The following CNTNAP4 variants were observed in gnomAD, a reference collection of about 807,000 sequenced individuals.
CNTNAP4 encodes the protein contactin associated protein family member 4, also known as contactin-associated protein-like 4.
In CNTNAP4, 98 loss-of-function variants were observed where a neutral mutation model predicts 148.4. The ratio of observed to expected loss-of-function variants is 0.66; its 90% CI spans 0.56 to 0.78. The LOEUF (loss-of-function observed/expected upper bound fraction) is 0.78, where lower values mean the gene tolerates loss of function less well. Ranked by LOEUF, CNTNAP4 falls within the 30% of genes least tolerant of loss-of-function variation. The pLI, the probability that CNTNAP4 is intolerant of heterozygous loss-of-function variation, is 0.00. For synonymous variants in CNTNAP4, 730 were observed against 565.1 expected, an observed-to-expected ratio of 1.29 and a Z score of -4.14; for missense variants, 1,935 against 1,565.6, an observed-to-expected ratio of 1.24 and a Z score of -3.98.
At chr16:76,516,168 CA>C (rs1231389972) in intron 15 of CNTNAP4, among the ~76,000 whole-genome samples, 1 of 151,598 alleles carries the variant, frequency 6.6e-6, no homozygotes, top group African/African-American at 2.4e-5. Flanking sequence ...ATTTAACTCC[CA>C]CTTACAAGTG....
rs368054990 is a variant in CNTNAP4, at chr16:76,317,238, G to A, written c.196+715G>A. Reference sequence around the variant, plus strand: ...ACTGAACTAGAGCCTGGGCGACAAAGTGAGACCCTGTCTCAAAAAAAAAAA... The same window carrying A: ...ACTGAACTAGAGCCTGGGCGACAAAATGAGACCCTGTCTCAAAAAAAAAAA... On this transcript the variant is annotated intron_variant, in intron 2 of 23. Transcript: ENST00000611870. 5.5e-3 allele frequency among the ~76,000 whole-genome samples: 679 copies of A among 122,456 alleles called. 4 individuals are homozygous for A. The highest frequency in any genetic ancestry group is 0.021 in the African/African-American group (646 of 31,330). The allele number at this position is 122,456 out of a possible 152,430, so 80.3% of individuals were successfully genotyped here.
At chr16:76,277,916 C>T (rs78467460) in intron 1 of CNTNAP4, among the ~76,000 whole-genome samples, 169 bp downstream of exon 1, 3,335 of 152,302 alleles carry the variant, frequency 0.022, 119 homozygotes, top group African/African-American at 0.078. Context: ...ACTTGTCTCT[C>T]CTCTTGGTCT....
chr16:76,376,251 A>G (rs2015402128), intron 3 of CNTNAP4, among the ~76,000 whole-genome samples: 1 of 152,212 alleles, frequency 6.6e-6, no homozygotes, highest in Non-Finnish European at 1.5e-5. Flanking sequence ...ATTCAGCTAA[A>G]AGGTGAGAGT....
At chr16:76,550,392 T>C (rs942983943) in intron 21 of CNTNAP4, among the ~76,000 whole-genome samples, 16 of 152,226 alleles carry the variant, frequency 1.1e-4, no homozygotes, top group African/African-American at 3.6e-4. Flanking sequence ...TTTTGAGTTT[T>C]AGCGGTCATT....
chr16:76,365,387 G>A (rs1447894873), intron 3 of CNTNAP4, among the ~76,000 whole-genome samples: 1 of 152,054 alleles, frequency 6.6e-6, no homozygotes, highest in Non-Finnish European at 1.5e-5. Flanking sequence ...GAAATTTAAA[G>A]TATTTTTTGC....
intron 12 of CNTNAP4, among the ~76,000 whole-genome samples, chr16:76,486,188 T>C (rs1180341898): frequency 2.0e-5 from 3 of 152,228 alleles, no homozygotes; most frequent in Admixed American, 1.3e-4. Context: ...AGCCATCTCT[T>C]ATTCATTTCC....
intron 23 of CNTNAP4, among the ~76,000 whole-genome samples, chr16:76,554,201 C>G (rs768999420): frequency 6.6e-6 from 1 of 152,118 alleles, no homozygotes; most frequent in African/African-American, 2.4e-5. Flanking sequence ...TTGAACATAG[C>G]CACAGGTAGT....
chr16:76,320,004 G>A (rs1214782716), intron 2 of CNTNAP4, among the ~76,000 whole-genome samples: 1 of 152,212 alleles, frequency 6.6e-6, no homozygotes, highest in African/African-American at 2.4e-5. Flanking sequence ...AAATATGGAA[G>A]TGGCTTTGGA....
At position 76,500,033 on chromosome 16, in the gene CNTNAP4, C is replaced by T. The variant is rs1455860730; in HGVS notation, c.2365+1339C>T. 4.6e-5 allele frequency among the ~76,000 whole-genome samples: 7 copies of T among 152,126 alleles called. No individual in the cohort carries two copies. The East Asian group carries it at 9.7e-4, about 21-fold the overall frequency. The stretch of plus-strand genomic sequence containing the variant: ...TTCCCCCTTTTCTATTCGACAAAAC[C>T]GCCATCGTCATCATGGCCCGTTCTC... On this transcript the variant is annotated intron_variant, in intron 15 of 23. Coordinates refer to ENST00000611870, the MANE Select transcript of CNTNAP4 (RefSeq NM_033401.5).
chr16:76,521,439 T>C, intron 16 of CNTNAP4, 129 bp downstream of exon 16: 1 of 665,334 alleles, frequency 1.5e-6, no homozygotes, highest in Non-Finnish European at 2.4e-6. Flanking sequence ...TTTGAAAAAC[T>C]CAATAATATT....
chr16:76,364,535 A>G (rs1403651977), intron 3 of CNTNAP4, among the ~76,000 whole-genome samples: 1 of 152,106 alleles, frequency 6.6e-6, no homozygotes, highest in African/African-American at 2.4e-5. Flanking sequence ...GTGACAATTC[A>G]ATGACAACAT....
At chr16:76,506,549 C>A (rs1468159893) in intron 15 of CNTNAP4, among the ~76,000 whole-genome samples, 1 of 77,692 alleles carries the variant, frequency 1.3e-5, no homozygotes, top group African/African-American at 2.9e-5. Context: ...TGGCTCATTG[C>A]AAACTCCGCC....
intron 4 of CNTNAP4, among the ~76,000 whole-genome samples, chr16:76,445,531 G>A (rs1242286739): frequency 6.6e-6 from 1 of 152,138 alleles, no homozygotes; most frequent in Admixed American, 6.6e-5. Context: ...AAAATGACAA[G>A]TGGCCTTGGT....
At chr16:76,314,786 CCT>C (rs2144073824) in intron 1 of CNTNAP4, among the ~76,000 whole-genome samples, 1 of 152,234 alleles carries the variant, frequency 6.6e-6, no homozygotes, top group South Asian at 2.1e-4. Context: ...GGTTCTAACA[CCT>C]CTGAGACCAC....
At chr16:76,482,780 G>A (rs1414440238) in intron 12 of CNTNAP4, among the ~76,000 whole-genome samples, 1 of 152,080 alleles carries the variant, frequency 6.6e-6, no homozygotes, top group African/African-American at 2.4e-5. Context: ...AGACAGCACT[G>A]CAGGTGCTTC....
At chr16:76,300,901 TTTTA>T (rs1392428597) in intron 1 of CNTNAP4, among the ~76,000 whole-genome samples, 4 of 151,916 alleles carry the variant, frequency 2.6e-5, no homozygotes, top group Admixed American at 1.3e-4. Flanking sequence ...GTATCTTTTA[TTTTA>T]TTTATTTATT....
At chr16:76,412,508 A>G (rs1309608004) in intron 3 of CNTNAP4, among the ~76,000 whole-genome samples, 1 of 151,350 alleles carries the variant, frequency 6.6e-6, no homozygotes, top group Non-Finnish European at 1.5e-5. Flanking sequence ...ATTCTTGAAA[A>G]CACTTGGTAT....
chr16:76,279,598 C>T (rs2143722131), intron 1 of CNTNAP4, among the ~76,000 whole-genome samples: 1 of 152,240 alleles, frequency 6.6e-6, no homozygotes, highest in South Asian at 2.1e-4. Flanking sequence ...TAGTCTAATG[C>T]TCTTTTAAAC....
At chr16:76,440,191 C>T (rs545026834) in intron 4 of CNTNAP4, among the ~76,000 whole-genome samples, 7 of 151,928 alleles carry the variant, frequency 4.6e-5, no homozygotes, top group Non-Finnish European at 1.0e-4. Flanking sequence ...TGATCTTTGA[C>T]AGGAACATTC....
Sources: gnomAD v4.1 joint callset for allele counts (sites outside exome capture counted in the v4.1 genomes callset) on GRCh38, gnomAD v4.1.1 for gene constraint, MANE v1.5 for transcripts, NCBI Gene and HGNC (gene_info 2026-07-23, HGNC 2026-07-21) for gene names.